Variants in CXADR observed in about 807,000 individuals in gnomAD.
CXADR encodes the protein coxsackievirus and adenovirus receptor.
CXADR carries 20 observed loss-of-function variants against 40.3 expected under a neutral mutation model. The ratio of observed to expected loss-of-function variants is 0.50; its 90% CI spans 0.35 to 0.72. CXADR has a LOEUF of 0.72. Ranked by LOEUF, CXADR falls within the 30% of genes least tolerant of loss-of-function variation. The probability of loss-of-function intolerance (pLI) is 0.01; values close to 1 mark genes in which losing one functional copy is unlikely to be tolerated. For synonymous variants in CXADR, 150 were observed against 161.3 expected, an observed-to-expected ratio of 0.93 and a Z score of 0.53; for missense variants, 332 against 449.1, an observed-to-expected ratio of 0.74 and a Z score of 2.36.
chr21:17,576,087 C>CAAAA (rs35462120), intron 7 of CXADR, among the ~76,000 whole-genome samples: 1 of 121,614 alleles, frequency 8.2e-6, no homozygotes, highest in Admixed American at 8.7e-5. Flanking sequence ...GACTCCATCT[C>CAAAA]AAAAAAAAAA....
At chr21:17,619,195 T>TA in the CXADR span, among the ~76,000 whole-genome samples, 1 of 152,130 alleles carries the variant, frequency 6.6e-6, no homozygotes, top group Non-Finnish European at 1.5e-5. Context: ...GACTTCAACT[T>TA]AAAGTCACCA....
intron 1 of CXADR, chr21:17,518,552 A>G: frequency 8.8e-7 from 1 of 1,137,048 alleles, no homozygotes; most frequent in South Asian, 1.2e-5. Flanking sequence ...GCCTCATCAA[A>G]ATTTTCTACA....
downstream of CXADR, among the ~76,000 whole-genome samples, chr21:17,570,931 G>C (rs540948031): frequency 1.3e-5 from 2 of 152,114 alleles, no homozygotes; most frequent in Non-Finnish European, 2.9e-5. Flanking sequence ...ATTCTTTGTC[G>C]TAGGGGACTG....
Position 17,568,750 on chromosome 21 carries a change from T to C in CXADR, c.*3058T>C. 1.0e-6 allele frequency: 1 copy of C among 985,250 alleles called. No homozygotes were observed. The highest frequency in any genetic ancestry group is 1.2e-6 in the Non-Finnish European group (1 of 829,930). 61.0% of individuals were successfully genotyped at this position (985,250 alleles called of 1,614,324 possible). A position where few individuals can be genotyped will look rare whatever the true frequency, so the allele number is the denominator to read the frequency against. On this transcript the variant is annotated 3_prime_UTR_variant, in exon 7 of 7. Transcript: ENST00000284878. ...TATTTTTTTTTCTTACTGGTAATCT[T>C]AACTAATATGATTCCCTTGTTAGAG...
chr21:17,520,095 T>C (rs2060511476), intron 1 of CXADR, among the ~76,000 whole-genome samples: 1 of 152,086 alleles, frequency 6.6e-6, no homozygotes, highest in African/African-American at 2.4e-5. Context: ...TGCGTAACTA[T>C]TCAACTTCCA....
At chr21:17,585,611 A>C (rs994344767) in intron 7 of CXADR, among the ~76,000 whole-genome samples, 1 of 151,966 alleles carries the variant, frequency 6.6e-6, no homozygotes, top group Non-Finnish European at 1.5e-5. Flanking sequence ...TCCGCCTCCC[A>C]GGTTCAAGCG....
intron 1 of CXADR, among the ~76,000 whole-genome samples, chr21:17,541,005 T>A (rs2060819962): frequency 6.6e-6 from 1 of 152,158 alleles, no homozygotes; most frequent in Non-Finnish European, 1.5e-5. Flanking sequence ...TACAGCAAAA[T>A]CGAGCAGAAA....
chr21:17,568,614 C>G lies in CXADR; in HGVS notation c.*2922C>G. 2.1e-6 allele frequency: 2 copies of G among 968,668 alleles called. No homozygotes were observed. The highest frequency in any genetic ancestry group is 2.4e-6 in the Non-Finnish European group (2 of 819,786). 60.0% of individuals were successfully genotyped at this position (968,668 alleles called of 1,614,324 possible). ...CACTATTGCTCAGGCTGGTCTCAAA[C>G]TGCTGGGCTCAGGAGATCCTCCTGC... is the stretch of plus-strand genomic sequence containing the variant. On this transcript the variant is annotated 3_prime_UTR_variant, in exon 7 of 7. Coordinates refer to ENST00000284878, the MANE Select transcript of CXADR (RefSeq NM_001338.5).
the CXADR span, among the ~76,000 whole-genome samples, chr21:17,599,726 C>T: frequency 2.0e-5 from 3 of 152,098 alleles, no homozygotes; most frequent in East Asian, 1.9e-4. Context: ...GTGATCCACC[C>T]GCCTCGGCCT....
At chr21:17,546,934 G>A (rs953415729) in intron 1 of CXADR, 93 bp from the exon 2 acceptor site, 7 of 1,454,596 alleles carry the variant, frequency 4.8e-6, no homozygotes, top group South Asian at 3.8e-5. Context: ...TGTATCCCTC[G>A]CATCAATGTG....
At chr21:17,518,364 T>C (rs1170143583) in intron 1 of CXADR, among the ~76,000 whole-genome samples, 2 of 152,116 alleles carry the variant, frequency 1.3e-5, no homozygotes, top group Admixed American at 1.3e-4. Context: ...GAAGGCAAAA[T>C]GCAAAATCAA....
the CXADR span, among the ~76,000 whole-genome samples, chr21:17,617,482 T>C: frequency 9.2e-5 from 14 of 152,206 alleles, no homozygotes; most frequent in Non-Finnish European, 1.5e-4. Flanking sequence ...AATAAGAATA[T>C]AGGTATTCCG....
At position 17,547,194 on chromosome 21, in the gene CXADR, G is replaced by GT; in HGVS notation, c.210+2dup. 1 of 1,614,152 alleles carries GT rather than the reference G, an allele frequency of 6.2e-7. No individual in the cohort carries two copies. The highest frequency in any genetic ancestry group is 8.5e-7 in the Non-Finnish European group (1 of 1,180,022). On this transcript the variant is annotated splice_donor_variant, in intron 2 of 6. Coordinates refer to ENST00000284878, the MANE Select transcript of CXADR (RefSeq NM_001338.5). LOFTEE classifies it high-confidence loss of function. Reference sequence around the variant, plus strand: ...TGATAATCAGAAGGTGGATCAAGTGGTAAGTTTGATATGTCCTTGCTCGCT... The same window carrying GT: ...TGATAATCAGAAGGTGGATCAAGTGGTTAAGTTTGATATGTCCTTGCTCGCT...
intron 2 of CXADR, 97 bp downstream of exon 2, chr21:17,547,290 T>C: frequency 6.5e-7 from 1 of 1,529,162 alleles, no homozygotes; most frequent in Non-Finnish European, 8.8e-7. Flanking sequence ...TGCAGGGAGC[T>C]AGGAAGGAAG....
In CXADR at chr21:17,568,270, A is replaced by G; in HGVS notation, c.*2578A>G. 1 of 806,412 alleles carries G rather than the reference A, an allele frequency of 1.2e-6. No homozygotes were observed. The highest frequency in any genetic ancestry group is 1.5e-6 in the Non-Finnish European group (1 of 667,380). The allele number at this position is 806,412 out of a possible 1,614,324, so 50.0% of individuals were successfully genotyped here. A position where few individuals can be genotyped will look rare whatever the true frequency, so the allele number is the denominator to read the frequency against. On this transcript the variant is annotated 3_prime_UTR_variant, in exon 7 of 7. Coordinates refer to ENST00000284878, the MANE Select transcript of CXADR (RefSeq NM_001338.5). ...CAGCCTCCCGAGCAGCTGGGACTAC[A>G]GGCTCCCATCACCACGCTCGGCTAA...
chr21:17,584,689 G>C (rs1346521173), intron 7 of CXADR, among the ~76,000 whole-genome samples: 1 of 152,158 alleles, frequency 6.6e-6, no homozygotes, highest in Non-Finnish European at 1.5e-5. Context: ...AAGTTAGCTG[G>C]ACATGGTGGC....
intron 1 of CXADR, among the ~76,000 whole-genome samples, chr21:17,528,016 G>A (rs2060618778): frequency 7.0e-6 from 1 of 143,680 alleles, no homozygotes; most frequent in Non-Finnish European, 1.5e-5. Flanking sequence ...ACAGTGAAAG[G>A]TATTTTTTAG....
intron 1 of CXADR, among the ~76,000 whole-genome samples, chr21:17,516,301 C>T (rs1269146896): frequency 2.0e-5 from 3 of 152,232 alleles, no homozygotes; most frequent in African/African-American, 7.2e-5. Context: ...TCTGTCCCTA[C>T]AGCAGCCACT....
chr21:17,608,713 G>A, the CXADR span: 1 of 368,998 alleles, frequency 2.7e-6, no homozygotes, highest in Non-Finnish European at 4.8e-6. Context: ...GCACTGTTAG[G>A]AGCCAGGCTA....
Sources: allele counts gnomAD v4.1 joint callset (sites outside exome capture counted in the v4.1 genomes callset), GRCh38; gene constraint gnomAD v4.1.1; transcripts MANE v1.5; gene names NCBI Gene and HGNC (gene_info 2026-07-23, HGNC 2026-07-21).